GRIK1: variants seen among roughly 807,000 people sequenced by gnomAD.
GRIK1 encodes the protein glutamate ionotropic receptor kainate type subunit 1.
A neutral mutation model predicts 105.7 loss-of-function variants in GRIK1; 69 were observed. The ratio of observed to expected loss-of-function variants is 0.65; its 90% CI spans 0.54 to 0.80. The LOEUF is 0.80. Among genes scored for constraint, GRIK1 ranks in the 30% least tolerant of loss-of-function variants. The pLI, the probability that GRIK1 is intolerant of heterozygous loss-of-function variation, is 0.00. For synonymous variants in GRIK1, 438 were observed against 431.3 expected (o/e 1.02, Z -0.19); for missense variants, 1,109 against 1,167.3 (o/e 0.95, Z 0.73).
At chr21:29,861,813 A>G (rs1410590226) in intron 1 of GRIK1, 2 of 273,142 alleles carry the variant, frequency 7.3e-6, no homozygotes, top group South Asian at 3.3e-5. Flanking sequence ...GAATAAGTCC[A>G]TTTAATTATG....
chr21:29,863,356 T>C (rs1210993542), intron 1 of GRIK1, among the ~76,000 whole-genome samples: 1 of 152,220 alleles, frequency 6.6e-6, no homozygotes, highest in Non-Finnish European at 1.5e-5. Context: ...CAGAATTGCT[T>C]TGATTTTTAA....
intron 1 of GRIK1, among the ~76,000 whole-genome samples, chr21:29,717,052 G>A (rs1041472888): frequency 2.6e-5 from 4 of 152,228 alleles, no homozygotes; most frequent in African/African-American, 9.6e-5. Context: ...TGGCTTCAGA[G>A]GGTGCAAGCC....
intron 1 of GRIK1, among the ~76,000 whole-genome samples, chr21:29,921,649 G>C (rs2071197887): frequency 6.6e-6 from 1 of 151,860 alleles, no homozygotes; most frequent in Non-Finnish European, 1.5e-5. Flanking sequence ...TAAAAATATA[G>C]GCCAGACTTC....
intron 1 of GRIK1, among the ~76,000 whole-genome samples, chr21:29,911,667 G>T (rs934809925): frequency 1.3e-5 from 2 of 151,930 alleles, no homozygotes; most frequent in Non-Finnish European, 2.9e-5. Flanking sequence ...CATTAGAGTG[G>T]CAGCCCCATA....
intron 1 of GRIK1, among the ~76,000 whole-genome samples, chr21:29,860,488 T>C (rs996535966): frequency 6.6e-6 from 1 of 152,240 alleles, no homozygotes; most frequent in Non-Finnish European, 1.5e-5. Flanking sequence ...AGCCCTCACC[T>C]GAGCTCCCTT....
chr21:29,623,817 A>G (rs768858058), intron 7 of GRIK1, among the ~76,000 whole-genome samples: 5 of 152,214 alleles, frequency 3.3e-5, no homozygotes, highest in African/African-American at 7.2e-5. Flanking sequence ...CACTAAGTAT[A>G]AAGTGTGGAT....
At chr21:29,550,107 C>CAAAAAAAAAAAAAAAAAA (rs34939329) in intron 16 of GRIK1, among the ~76,000 whole-genome samples, 6 of 53,488 alleles carry the variant, frequency 1.1e-4, no homozygotes, top group African/African-American at 5.1e-4. Flanking sequence ...GACTCCATCT[C>CAAAAAAAAAAAAAAAAAA]AAAAAAAAAA....
At chr21:29,710,705 T>G (rs1406184549) in intron 1 of GRIK1, among the ~76,000 whole-genome samples, 1 of 152,140 alleles carries the variant, frequency 6.6e-6, no homozygotes, top group East Asian at 1.9e-4. Flanking sequence ...GAATTTAAAT[T>G]GTTATGCTAC....
At chr21:29,631,801 C>A (rs1185374171) in intron 7 of GRIK1, among the ~76,000 whole-genome samples, 1 of 151,978 alleles carries the variant, frequency 6.6e-6, no homozygotes, top group Non-Finnish European at 1.5e-5. Context: ...AAATTAATTC[C>A]ACCTGTCTTT....
intron 1 of GRIK1, among the ~76,000 whole-genome samples, chr21:29,822,405 C>T (rs1401429810): frequency 6.6e-6 from 1 of 151,996 alleles, no homozygotes; most frequent in Non-Finnish European, 1.5e-5. Context: ...AAAGCTGTTT[C>T]ATGACTTTAG....
rs148494375 is a variant in GRIK1, at chr21:29,872,584, T to G, written c.118+66799A>C. Among the ~76,000 whole-genome samples, 1,162 of 152,250 alleles carry G rather than the reference T, an allele frequency of 7.6e-3. 12 individuals carry two copies. Among genetic ancestry groups the G allele is most frequent in the African/African-American group, 0.027 (1,106 of 41,538 alleles). On this transcript the variant is annotated intron_variant, in intron 1 of 17. Transcript: ENST00000327783. ...CTGTATTAGTCTGTTCTCACACTGC[T>G]GATAAAGATATACTTAAAACTGAGT...
intron 3 of GRIK1, among the ~76,000 whole-genome samples, chr21:29,680,901 G>A (rs2063359832): frequency 6.6e-6 from 1 of 152,208 alleles, no homozygotes; most frequent in African/African-American, 2.4e-5. Flanking sequence ...TTGGGAGGCC[G>A]AGGCAGGTGG....
At chr21:29,920,052 A>G (rs537633260) in intron 1 of GRIK1, among the ~76,000 whole-genome samples, 2 of 152,302 alleles carry the variant, frequency 1.3e-5, no homozygotes, top group African/African-American at 4.8e-5. Context: ...AGAAGAATCA[A>G]TGAAGATTTA....
intron 1 of GRIK1, among the ~76,000 whole-genome samples, chr21:29,805,735 A>G (rs918103320): frequency 2.6e-5 from 4 of 152,148 alleles, no homozygotes; most frequent in Non-Finnish European, 5.9e-5. Context: ...AGACATTGCT[A>G]GTCAGCCATT....
chr21:29,604,291 A>G (rs2015892908), intron 7 of GRIK1, among the ~76,000 whole-genome samples: 1 of 152,120 alleles, frequency 6.6e-6, no homozygotes, highest in African/African-American at 2.4e-5. Flanking sequence ...TCAAATATCT[A>G]CATAGACTCC....
chr21:29,823,038 A>G (rs1368376720), intron 1 of GRIK1, among the ~76,000 whole-genome samples: 1 of 151,984 alleles, frequency 6.6e-6, no homozygotes, highest in Non-Finnish European at 1.5e-5. Flanking sequence ...GTGATCCTGG[A>G]TAAGGTGCTT....
At chr21:29,806,023 G>A (rs1219956892) in intron 1 of GRIK1, among the ~76,000 whole-genome samples, 7 of 151,508 alleles carry the variant, frequency 4.6e-5, no homozygotes, top group Non-Finnish European at 1.0e-4. Context: ...AACACAAGTC[G>A]ACTATAAAAT....
chr21:29,687,183 T>C (rs543703938), intron 3 of GRIK1, among the ~76,000 whole-genome samples: 1 of 152,228 alleles, frequency 6.6e-6, no homozygotes, highest in African/African-American at 2.4e-5. Flanking sequence ...ATGGGAGTAA[T>C]GGGCCATTTG....
At chr21:29,698,684 G>T (rs1036005256) in intron 1 of GRIK1, among the ~76,000 whole-genome samples, 1 of 152,098 alleles carries the variant, frequency 6.6e-6, no homozygotes, top group African/African-American at 2.4e-5. Flanking sequence ...AAATGGTTGG[G>T]CAGTAATCCT....
Sources: allele counts gnomAD v4.1 joint callset (sites outside exome capture counted in the v4.1 genomes callset), GRCh38; gene constraint gnomAD v4.1.1; transcripts MANE v1.5; gene names NCBI Gene and HGNC (gene_info 2026-07-23, HGNC 2026-07-21).